Variants in CHRM2 observed in about 807,000 individuals in gnomAD.
The protein encoded by CHRM2 is cholinergic receptor muscarinic 2, also known as muscarinic acetylcholine receptor M2.
In CHRM2, 8 loss-of-function variants were observed where a neutral mutation model predicts 25.0. The ratio of observed to expected loss-of-function variants is 0.32; its 90% CI spans 0.19 to 0.58. CHRM2 has a LOEUF of 0.58. Ranked by LOEUF, CHRM2 falls within the 20% of genes least tolerant of loss-of-function variation. CHRM2 has a pLI of 0.88. For missense variants in CHRM2, 440 were observed against 567.1 expected (o/e 0.78, Z 2.28); for synonymous variants, 202 against 205.7 (o/e 0.98, Z 0.15).
chr7:136,874,752 T>C (rs1329057399), intron 2 of CHRM2, among the ~76,000 whole-genome samples: 1 of 152,100 alleles, frequency 6.6e-6, no homozygotes, highest in African/African-American at 2.4e-5. Flanking sequence ...TGAATTAATA[T>C]GTTTTTAAGC....
intron 2 of CHRM2, among the ~76,000 whole-genome samples, chr7:136,948,396 G>A (rs139004851): frequency 1.4e-4 from 22 of 152,278 alleles, no homozygotes; most frequent in African/African-American, 4.6e-4. Context: ...CTGATTTATA[G>A]TAAGTAGGCC....
At chr7:136,999,525 C>T (rs1803842286) in intron 3 of CHRM2, among the ~76,000 whole-genome samples, 1 of 151,826 alleles carries the variant, frequency 6.6e-6, no homozygotes, top group Admixed American at 6.6e-5. Flanking sequence ...TTAGGTATAT[C>T]TCCTAATGCT....
At chr7:136,943,867 G>A (rs970602679) in intron 2 of CHRM2, among the ~76,000 whole-genome samples, 5 of 152,040 alleles carry the variant, frequency 3.3e-5, no homozygotes, top group African/African-American at 1.2e-4. Flanking sequence ...CAAAACACTG[G>A]CTAATAGACT....
At chr7:136,936,647 AGTAATACAGAC>A (rs1799429751) in intron 2 of CHRM2, among the ~76,000 whole-genome samples, 1 of 152,142 alleles carries the variant, frequency 6.6e-6, no homozygotes, top group Non-Finnish European at 1.5e-5. Context: ...AAAGAACTAA[AGTAATACAGAC>A]CTTAAGTACA....
chr7:136,874,516 T>A (rs1282589815), intron 2 of CHRM2, among the ~76,000 whole-genome samples: 1 of 139,336 alleles, frequency 7.2e-6, no homozygotes, highest in African/African-American at 2.8e-5. Context: ...TGGAATTCCT[T>A]CTGTCTCTCT....
At chr7:136,932,008 T>C (rs1275603051) in intron 2 of CHRM2, among the ~76,000 whole-genome samples, 7 of 152,202 alleles carry the variant, frequency 4.6e-5, no homozygotes. Context: ...GCCAAACTTC[T>C]GAGATTTTTG....
rs375648111 is a variant in CHRM2 at position 136,953,202 on chromosome 7, C to T, written c.-124-38985C>T. Among the ~76,000 whole-genome samples the T allele has an allele frequency of 1.6e-4, 24 of 152,048 alleles. No homozygotes were observed. In the East Asian group the frequency reaches 4.7e-3, roughly 29 times the overall value. On this transcript the variant is annotated intron_variant, in intron 2 of 3. Coordinates refer to ENST00000680005, the MANE Select transcript of CHRM2 (RefSeq NM_001006630.2). Reference sequence around the variant, plus strand: ...TTGTAGACTGGCTCTGTTTTTTGTTCCACTTTGTATTGTTTCACATCAGTA... The same window carrying T: ...TTGTAGACTGGCTCTGTTTTTTGTTTCACTTTGTATTGTTTCACATCAGTA...
At chr7:136,888,327 T>C (rs1796551481) in intron 2 of CHRM2, among the ~76,000 whole-genome samples, 1 of 152,166 alleles carries the variant, frequency 6.6e-6, no homozygotes, top group Non-Finnish European at 1.5e-5. Flanking sequence ...TCCCTGCCCA[T>C]TGCTGCGCTG....
chr7:136,900,675 G>A (rs900917445), intron 2 of CHRM2, among the ~76,000 whole-genome samples: 3 of 152,036 alleles, frequency 2.0e-5, no homozygotes, highest in Admixed American at 6.6e-5. Flanking sequence ...AGAATTGCTC[G>A]TCTCATAATT....
intron 2 of CHRM2, among the ~76,000 whole-genome samples, chr7:136,897,524 A>G (rs1796968740): frequency 6.6e-6 from 1 of 152,132 alleles, no homozygotes; most frequent in Non-Finnish European, 1.5e-5. Flanking sequence ...TCCTGAAAGC[A>G]GCATTAATCA....
intron 3 of CHRM2, among the ~76,000 whole-genome samples, chr7:137,011,828 G>A (rs1804847722): frequency 6.6e-6 from 1 of 152,030 alleles, no homozygotes. Flanking sequence ...AGGCCAATGT[G>A]ATGAGACCAT....
intron 2 of CHRM2, among the ~76,000 whole-genome samples, chr7:136,882,150 G>C (rs781145559): frequency 6.6e-6 from 1 of 151,944 alleles, no homozygotes; most frequent in Admixed American, 6.6e-5. Context: ...TATTGGTCTA[G>C]TCCCTCCAGC....
Position 137,016,029 on chromosome 7 carries a change from A to G in CHRM2, c.1164A>G (p.Thr388=). 6.2e-7 allele frequency: 1 copy of G among 1,613,018 alleles called. No homozygotes were observed. Among genetic ancestry groups the G allele is most frequent in the Non-Finnish European group, 8.5e-7 (1 of 1,179,416 alleles). The change falls in exon 4 of 4, where the codon ACA becomes ACG. Residue 388 remains threonine, a synonymous_variant. Transcript: ENST00000680005. ...PPSREKKVTR[T]ILAILLAFII... Reference sequence around the variant, plus strand: ...CCCGGGAAAAGAAAGTCACCAGGACAATCTTGGCTATTCTGTTGGCTTTCA... The same window carrying G: ...CCCGGGAAAAGAAAGTCACCAGGACGATCTTGGCTATTCTGTTGGCTTTCA...
chr7:136,968,383 C>T (rs1186770256), intron 2 of CHRM2, among the ~76,000 whole-genome samples: 1 of 149,808 alleles, frequency 6.7e-6, no homozygotes, highest in African/African-American at 2.5e-5. Context: ...ATAACAACTA[C>T]TGCTGAGGGT....
chr7:136,986,129 G>T (rs1802838749), intron 2 of CHRM2, among the ~76,000 whole-genome samples: 1 of 152,104 alleles, frequency 6.6e-6, no homozygotes, highest in Non-Finnish European at 1.5e-5. Flanking sequence ...TGACTCATTT[G>T]GACAGTGATG....
Position 136,994,521 on chromosome 7 carries a change from C to CTTTTTTTT in CHRM2, c.-47+2276_-47+2283dup, listed in dbSNP as rs757243972. Among the ~76,000 whole-genome samples the CTTTTTTTT allele has an allele frequency of 2.3e-3, 165 of 71,358 alleles. 9 individuals carry two copies. The highest frequency in any genetic ancestry group is 5.4e-3 in the African/African-American group (95 of 17,610). 46.8% of individuals were successfully genotyped at this position (71,358 alleles called of 152,430 possible). On this transcript the variant is annotated intron_variant, in intron 3 of 3. Transcript: ENST00000680005. ...GTGCTTTCTGCTCTTTTTTTCTTTT[C>CTTTTTTTT]TTTTTTTTTTTTTTTTTTTTTTTTT...
chr7:136,879,154 T>C (rs1011369273), intron 2 of CHRM2, among the ~76,000 whole-genome samples: 15 of 151,952 alleles, frequency 9.9e-5, no homozygotes, highest in African/African-American at 3.6e-4. Flanking sequence ...GGAAAAAGTC[T>C]CAGCAAGGCT....
At chr7:137,014,776 A>G (rs894345832) in intron 3 of CHRM2, 44 bp from the exon 4 acceptor site, 66 of 1,165,524 alleles carry the variant, frequency 5.7e-5, no homozygotes, top group Non-Finnish European at 7.4e-5. Flanking sequence ...ATTTTAAACC[A>G]ATGTTTATAT....
chr7:136,929,851 C>T (rs902398160), intron 2 of CHRM2, among the ~76,000 whole-genome samples: 7 of 151,826 alleles, frequency 4.6e-5, no homozygotes, highest in Non-Finnish European at 8.8e-5. Context: ...AATGCAACTC[C>T]AAGTTAACAA....
Sources: gnomAD v4.1 joint callset for allele counts (sites outside exome capture counted in the v4.1 genomes callset) on GRCh38, gnomAD v4.1.1 for gene constraint, MANE v1.5 for transcripts, NCBI Gene and HGNC (gene_info 2026-07-23, HGNC 2026-07-21) for gene names.